Variants in MINDY3 observed in about 807,000 individuals in gnomAD.
The protein encoded by MINDY3 is MINDY lysine 48 deubiquitinase 3.
MINDY3 carries 38 observed loss-of-function variants against 69.2 expected under a neutral mutation model. That is an observed-to-expected ratio of 0.55 (90% confidence interval 0.42 to 0.72). The LOEUF is 0.72. Among genes scored for constraint, MINDY3 ranks in the 30% least tolerant of loss-of-function variants. The probability of loss-of-function intolerance (pLI) is 0.00; values close to 1 mark genes in which losing one functional copy is unlikely to be tolerated. For synonymous variants in MINDY3, 192 were observed against 180.1 expected (o/e 1.07, Z -0.53); for missense variants, 522 against 519.0 (o/e 1.01, Z -0.06).
In MINDY3 at chr10:15,812,740, C is replaced by A. The variant is rs143605166; in HGVS notation, c.882+4095G>T. On this transcript the variant is annotated intron_variant, in intron 10 of 14. Coordinates refer to ENST00000277632, the MANE Select transcript of MINDY3 (RefSeq NM_024948.4). Reference sequence around the variant, plus strand: ...CTTATTTCCCCAATCCCACTTATTACGTGATGTGCATACAGTGAACAAATT... The same window carrying A: ...CTTATTTCCCCAATCCCACTTATTAAGTGATGTGCATACAGTGAACAAATT... Among the ~76,000 whole-genome samples the A allele has an allele frequency of 3.4e-3, 515 of 152,266 alleles. 3 individuals carry two copies. The highest frequency in any genetic ancestry group is 0.012 in the African/African-American group (489 of 41,558).
chr10:15,796,481 A>G (rs1023170932), intron 10 of MINDY3, among the ~76,000 whole-genome samples: 1 of 151,808 alleles, frequency 6.6e-6, no homozygotes, highest in Non-Finnish European at 1.5e-5. Flanking sequence ...AGCATGAAAA[A>G]AAAAAACAAA....
At chr10:15,786,969 C>T (rs1386149042) in intron 12 of MINDY3, among the ~76,000 whole-genome samples, 1 of 152,086 alleles carries the variant, frequency 6.6e-6, no homozygotes, top group Non-Finnish European at 1.5e-5. Flanking sequence ...ATTCTCTTTG[C>T]TTCATAGGTA....
At chr10:15,804,800 G>A (rs1395800087) in intron 10 of MINDY3, among the ~76,000 whole-genome samples, 2 of 152,084 alleles carry the variant, frequency 1.3e-5, no homozygotes, top group Admixed American at 1.3e-4. Context: ...CGTCATTAGT[G>A]GCAGCAAGAT....
At chr10:15,808,665 T>C (rs1257087706) in intron 10 of MINDY3, among the ~76,000 whole-genome samples, 6 of 152,144 alleles carry the variant, frequency 3.9e-5, no homozygotes, top group African/African-American at 1.4e-4. Context: ...TTTCTTTATA[T>C]GAACAGTTCT....
intron 1 of MINDY3, among the ~76,000 whole-genome samples, chr10:15,850,548 C>T (rs1255634223): frequency 5.3e-5 from 8 of 152,034 alleles, no homozygotes; most frequent in African/African-American, 9.7e-5. Context: ...AGATAAGGGA[C>T]GAAATAAGCC....
At chr10:15,833,530 C>T in intron 8 of MINDY3, 100 bp downstream of exon 8, 1 of 714,666 alleles carries the variant, frequency 1.4e-6, no homozygotes, top group Non-Finnish European at 2.4e-6. Flanking sequence ...CACTTAACCT[C>T]TAGGTAATGT....
intron 4 of MINDY3, 82 bp downstream of exon 4, chr10:15,841,344 A>T (rs566698817): frequency 8.8e-7 from 1 of 1,132,408 alleles, no homozygotes; most frequent in African/African-American, 1.6e-5. Context: ...AATTTTAAGT[A>T]ATTTTTTCTT....
intron 1 of MINDY3, among the ~76,000 whole-genome samples, chr10:15,853,450 G>A (rs537834155): frequency 2.0e-4 from 31 of 151,488 alleles, no homozygotes; most frequent in Admixed American, 7.9e-4. Flanking sequence ...AGCATACATC[G>A]AGACAGTAAC....
chr10:15,791,004 T>A (rs1419683749), intron 11 of MINDY3, among the ~76,000 whole-genome samples: 1 of 152,116 alleles, frequency 6.6e-6, no homozygotes, highest in Non-Finnish European at 1.5e-5. Context: ...CTTAACAACA[T>A]GCTTATATAT....
At chr10:15,807,028 ATCTAAC>A (rs761363267) in intron 10 of MINDY3, among the ~76,000 whole-genome samples, 6 of 152,150 alleles carry the variant, frequency 3.9e-5, no homozygotes, top group Admixed American at 2.6e-4. Flanking sequence ...ACTCACTAGT[ATCTAAC>A]TTTGGAGATG....
chr10:15,847,876 A>G lies in MINDY3; in HGVS notation c.162T>C (p.Ile54=), dbSNP rs765635014. The G allele has an allele frequency of 2.5e-6, 4 of 1,613,504 alleles. No individual in the cohort carries two copies. Among genetic ancestry groups the G allele is most frequent in the Non-Finnish European group, 3.4e-6 (4 of 1,179,414 alleles). Residue 54 remains isoleucine, a synonymous_variant, in exon 2 of 15, where the codon ATT becomes ATC. Transcript: ENST00000277632. The part of the protein sequence containing the change: ...EQFEGGPCAV[I]APVQAFLLKK... Reference sequence around the variant, plus strand: ...GAGTCTATGTTACCTGAACAGGTGCAATAACAGCACAGGGGCCACCTTCAA... The same window carrying G: ...GAGTCTATGTTACCTGAACAGGTGCGATAACAGCACAGGGGCCACCTTCAA...
intron 1 of MINDY3, among the ~76,000 whole-genome samples, chr10:15,855,772 C>T (rs866928098): frequency 1.1e-4 from 16 of 152,086 alleles, no homozygotes; most frequent in Admixed American, 3.9e-4. Flanking sequence ...AGTCAAATAT[C>T]TCAATTGGAC....
intron 10 of MINDY3, among the ~76,000 whole-genome samples, chr10:15,797,299 G>A (rs571129166): frequency 6.6e-5 from 10 of 152,100 alleles, no homozygotes; most frequent in Non-Finnish European, 1.2e-4. Flanking sequence ...TACAGTAAAA[G>A]GTAAAGCAAC....
Position 15,841,466 on chromosome 10 carries a change from A to T in MINDY3, c.369T>A (p.Ser123=). Residue 123 remains serine, a synonymous_variant, in exon 4 of 15, where the codon TCT becomes TCA. Coordinates refer to ENST00000277632, the MANE Select transcript of MINDY3 (RefSeq NM_024948.4). Reference sequence around the variant, plus strand: ...GGCAACTAGACTCTGCAGGACTCCCAGAAATACTAGCAGTTTCCTCAGTTG... The same window carrying T: ...GGCAACTAGACTCTGCAGGACTCCCTGAAATACTAGCAGTTTCCTCAGTTG... ...GKTTEETASI[S]GSPAESSCQV... is the part of the protein sequence containing the mutation. 1 of 1,611,856 alleles carries T rather than the reference A, an allele frequency of 6.2e-7. No individual in the cohort carries two copies. The highest frequency in any genetic ancestry group is 8.5e-7 in the Non-Finnish European group (1 of 1,178,498).
chr10:15,825,264 T>C (rs1232279601), intron 8 of MINDY3, among the ~76,000 whole-genome samples: 1 of 152,238 alleles, frequency 6.6e-6, no homozygotes, highest in Non-Finnish European at 1.5e-5. Flanking sequence ...TTTCCAAATC[T>C]GAAAAAAATC....
At chr10:15,781,469 T>C (rs1377701911) in intron 14 of MINDY3, among the ~76,000 whole-genome samples, 3 of 151,078 alleles carry the variant, frequency 2.0e-5, no homozygotes, top group East Asian at 1.9e-4. Context: ...GCAAAGATAA[T>C]AGACACACAA....
At chr10:15,822,017 A>G (rs986247012) in intron 8 of MINDY3, among the ~76,000 whole-genome samples, 3 of 152,210 alleles carry the variant, frequency 2.0e-5, no homozygotes, top group African/African-American at 7.2e-5. Context: ...TTACTCCCTG[A>G]AATCCATGCC....
At chr10:15,803,676 A>G (rs1021836106) in intron 10 of MINDY3, among the ~76,000 whole-genome samples, 2 of 152,156 alleles carry the variant, frequency 1.3e-5, no homozygotes, top group African/African-American at 4.8e-5. Context: ...TGGTAGAGAA[A>G]AACCCAGTCT....
At chr10:15,781,501 G>C (rs895842875) in intron 14 of MINDY3, among the ~76,000 whole-genome samples, 2 of 151,686 alleles carry the variant, frequency 1.3e-5, no homozygotes, top group African/African-American at 4.8e-5. Context: ...CAATGCAGCC[G>C]AACTCTAGCT....
Sources: gnomAD v4.1 joint callset for allele counts (sites outside exome capture counted in the v4.1 genomes callset) on GRCh38, gnomAD v4.1.1 for gene constraint, MANE v1.5 for transcripts, NCBI Gene and HGNC (gene_info 2026-07-23, HGNC 2026-07-21) for gene names.